Variants in DNAJC13 observed in about 807,000 individuals in gnomAD.
DNAJC13 encodes dnaJ homolog subfamily C member 13.
DNAJC13 carries 75 observed loss-of-function variants against 290.5 expected under a neutral mutation model. The ratio of observed to expected loss-of-function variants is 0.26; its 90% confidence interval spans 0.21 to 0.31. DNAJC13 has a LOEUF of 0.31. Ranked by LOEUF, DNAJC13 falls within the 10% of genes least tolerant of loss-of-function variation. The pLI is 1.00. For synonymous variants in DNAJC13, 862 were observed against 892.0 expected (o/e 0.97, Z 0.60); for missense variants, 2,260 against 2,674.5 (o/e 0.85, Z 3.42).
At chr3:132,476,046 A>G (rs943453089) in intron 22 of DNAJC13, among the ~76,000 whole-genome samples, 2 of 151,810 alleles carry the variant, frequency 1.3e-5, no homozygotes, top group Non-Finnish European at 1.5e-5. Context: ...CAATCCTTCC[A>G]CCTTCGCCTC....
At chr3:132,434,394 AAAAAC>A (rs1344318635) in intron 1 of DNAJC13, 139 bp from the exon 2 acceptor site, 4 of 499,350 alleles carry the variant, frequency 8.0e-6, no homozygotes, top group Non-Finnish European at 1.4e-5. Flanking sequence ...CAAAAAAAAA[AAAAAC>A]AAAACCTTAT....
chr3:132,520,175 G>C (rs1936046367), intron 48 of DNAJC13, among the ~76,000 whole-genome samples: 1 of 152,188 alleles, frequency 6.6e-6, no homozygotes, highest in South Asian at 2.1e-4. Flanking sequence ...TCTATCCTTT[G>C]TGGGGCATGT....
chr3:132,521,682 A>G (rs190288022), intron 48 of DNAJC13, among the ~76,000 whole-genome samples: 154 of 152,354 alleles, frequency 1.0e-3, no homozygotes, highest in Middle Eastern at 3.4e-3. Flanking sequence ...CTCATGACCA[A>G]GAAGAAGGAC....
rs7613098 is a variant in DNAJC13, at chr3:132,453,551, C to T, written c.744+47C>T. 230,725 of 1,608,076 alleles carry T rather than the reference C, an allele frequency of 0.14. 17,753 individuals are homozygous for T. The highest frequency in any genetic ancestry group is 0.23 in the South Asian group (20,956 of 89,972). ...TGAAAATTTGTTCACCTGATTTTGA[C>T]GTTTTAAAAAATAACTTCTTAATAT... is the stretch of plus-strand genomic sequence containing the variant. On this transcript the variant is annotated intron_variant, in intron 7 of 55. Transcript: ENST00000260818.
intron 54 of DNAJC13, 80 bp downstream of exon 54, chr3:132,528,412 G>A: frequency 6.6e-7 from 1 of 1,525,716 alleles, no homozygotes; most frequent in Middle Eastern, 1.7e-4. Flanking sequence ...CTGTGTTCAA[G>A]TTCCACTTAC....
chr3:132,522,930 C>A lies in DNAJC13; in HGVS notation c.5776C>A (p.Pro1926Thr). 6.2e-7 allele frequency: 1 copy of A among 1,613,576 alleles called. No homozygotes were observed. Among genetic ancestry groups the A allele is most frequent in the Non-Finnish European group, 8.5e-7 (1 of 1,179,802 alleles). Reference protein sequence around the residue: ...VHIFEGTHENPELIWNDNSRD... With the variant: ...VHIFEGTHENTELIWNDNSRD... ...TATTTTTGAAGGAACTCATGAAAAT[C>A]CTGAGTTAATTTGGAATGATAATTC... is the stretch of plus-strand genomic sequence containing the variant. The change falls in exon 49 of 56, where the codon CCT (proline) becomes ACT (threonine). Residue 1926 changes from proline to threonine, a missense_variant. Physicochemically the swap from Pro to Thr is conservative, Grantham distance 38 (BLOSUM62 -1). Coordinates refer to ENST00000260818, the MANE Select transcript of DNAJC13 (RefSeq NM_015268.4).
intron 51 of DNAJC13, 126 bp from the exon 52 acceptor site, chr3:132,525,484 T>C: frequency 1.1e-6 from 1 of 886,890 alleles, no homozygotes; most frequent in South Asian, 1.8e-5. Context: ...GATTAGTGAA[T>C]CTGTTTTCAA....
At chr3:132,537,208 G>A (rs1936620205) in intron 55 of DNAJC13, 7 of 456,216 alleles carry the variant, frequency 1.5e-5, no homozygotes, top group Non-Finnish European at 3.1e-5. Context: ...CCTCAGGAGC[G>A]GGCTTTAGAT....
At chr3:132,529,679 C>T (rs1366903833) in intron 54 of DNAJC13, among the ~76,000 whole-genome samples, 7 of 150,370 alleles carry the variant, frequency 4.7e-5, no homozygotes, top group Admixed American at 2.7e-4. Flanking sequence ...CCCATCTACT[C>T]GGGAGGCTGA....
At chr3:132,486,972 G>T (rs1346203954) in intron 29 of DNAJC13, among the ~76,000 whole-genome samples, 3 of 152,198 alleles carry the variant, frequency 2.0e-5, no homozygotes, top group Admixed American at 6.5e-5. Context: ...GTGTGTGCGT[G>T]CTTGTGTGGG....
intron 43 of DNAJC13, among the ~76,000 whole-genome samples, chr3:132,510,553 T>C (rs1935744881): frequency 6.6e-6 from 1 of 152,088 alleles, no homozygotes; most frequent in African/African-American, 2.4e-5. Flanking sequence ...ATTTGGTGGT[T>C]GATTTGTTTG....
intron 41 of DNAJC13, among the ~76,000 whole-genome samples, chr3:132,504,161 A>T (rs181256836): frequency 5.3e-5 from 8 of 152,148 alleles, no homozygotes; most frequent in Non-Finnish European, 1.2e-4. Flanking sequence ...TGACTTTTGT[A>T]AGTGAAAAAA....
At chr3:132,474,665 T>C (rs1299939188) in intron 21 of DNAJC13, among the ~76,000 whole-genome samples, 1 of 152,144 alleles carries the variant, frequency 6.6e-6, no homozygotes, top group Non-Finnish European at 1.5e-5. Flanking sequence ...TCCTCAACTT[T>C]TTATTATGAA....
At chr3:132,429,423 A>G (rs137973465) in intron 1 of DNAJC13, among the ~76,000 whole-genome samples, 46 of 152,318 alleles carry the variant, frequency 3.0e-4, no homozygotes, top group Non-Finnish European at 4.7e-4. Flanking sequence ...GTGTTACCTT[A>G]GAAAAGTGAT....
At chr3:132,506,425 CT>C (rs1430967856) in intron 42 of DNAJC13, among the ~76,000 whole-genome samples, 1 of 150,378 alleles carries the variant, frequency 6.6e-6, no homozygotes, top group Non-Finnish European at 1.5e-5. Context: ...TTATTCTATA[CT>C]TTTACATGTT....
intron 1 of DNAJC13, among the ~76,000 whole-genome samples, chr3:132,422,184 C>G (rs1277842728): frequency 6.6e-6 from 1 of 151,870 alleles, no homozygotes; most frequent in Non-Finnish European, 1.5e-5. Flanking sequence ...GCACGCCATG[C>G]CCAGCTAACT....
At chr3:132,460,186 T>C (rs1933742279) in intron 13 of DNAJC13, 64 bp from the exon 14 acceptor site, 1 of 1,084,178 alleles carries the variant, frequency 9.2e-7, no homozygotes, top group South Asian at 1.5e-5. Context: ...TAAATGACTT[T>C]TGCGTGATGC....
chr3:132,522,044 G>C (rs143427166), intron 48 of DNAJC13, among the ~76,000 whole-genome samples: 2 of 152,216 alleles, frequency 1.3e-5, no homozygotes, highest in South Asian at 2.1e-4. Context: ...TGTTTCTTTC[G>C]TGTGCTGACT....
At chr3:132,476,112 T>G (rs1934463867) in intron 22 of DNAJC13, among the ~76,000 whole-genome samples, 1 of 152,132 alleles carries the variant, frequency 6.6e-6, no homozygotes, top group African/African-American at 2.4e-5. Context: ...TTTTGTATTT[T>G]TTATGGAGAC....
Sources: gnomAD v4.1 joint callset for allele counts (sites outside exome capture counted in the v4.1 genomes callset) on GRCh38, gnomAD v4.1.1 for gene constraint, MANE v1.5 for transcripts, NCBI Gene and HGNC (gene_info 2026-07-23, HGNC 2026-07-21) for gene names.